SSH2: variants seen among roughly 807,000 people sequenced by gnomAD.
The protein encoded by SSH2 is slingshot protein phosphatase 2.
A neutral mutation model predicts 135.2 loss-of-function variants in SSH2; 37 were observed. The observed-to-expected ratio is 0.27, with a 90% CI of 0.21 to 0.36. The LOEUF (loss-of-function observed/expected upper bound fraction) is 0.36, where lower values mean the gene tolerates loss of function less well. Among genes scored for constraint, SSH2 ranks in the 10% least tolerant of loss-of-function variants. The probability of loss-of-function intolerance (pLI) is 1.00; values close to 1 mark genes in which losing one functional copy is unlikely to be tolerated. For missense variants in SSH2, 1,408 were observed against 1,765.3 expected, an observed-to-expected ratio of 0.80 and a Z score of 3.63; for synonymous variants, 628 against 646.2, an observed-to-expected ratio of 0.97 and a Z score of 0.43.
intron 1 of SSH2, among the ~76,000 whole-genome samples, chr17:29,906,050 G>A (rs1386538554): frequency 6.6e-6 from 1 of 152,128 alleles, no homozygotes; most frequent in African/African-American, 2.4e-5. Context: ...ACCCACTGCG[G>A]GTCTCCTCTG....
chr17:29,886,401 G>A (rs1172021077), intron 1 of SSH2, among the ~76,000 whole-genome samples: 2 of 152,022 alleles, frequency 1.3e-5, no homozygotes, highest in Non-Finnish European at 2.9e-5. Flanking sequence ...TTAGGTATCT[G>A]GTGGAAGAAA....
At position 29,929,978 on chromosome 17, in the gene SSH2, C is replaced by A; in HGVS notation, c.23G>T (p.Arg8Leu). 6.2e-7 allele frequency: 1 copy of A among 1,602,358 alleles called. No homozygotes were observed. Residue 8 changes from arginine to leucine, a missense_variant, in exon 1 of 16, where the codon CGG becomes CTG. By Grantham distance (102) the Arg-to-Leu change is moderately radical. Coordinates refer to ENST00000540801, the MANE Select transcript of SSH2 (RefSeq NM_001282129.2). MALVTVQ[R>L]SPTPSTTSSP... ...GGAGGTGGTGCTGGGGGTAGGTGAC[C>A]GCTGGACCGTGACCAAAGCCATCTA...
chr17:29,654,200 C>T (rs1225233779), intron 12 of SSH2, among the ~76,000 whole-genome samples: 4 of 152,160 alleles, frequency 2.6e-5, no homozygotes, highest in Non-Finnish European at 5.9e-5. Flanking sequence ...TTACTGAGCA[C>T]CCTCTTGTTA....
intron 1 of SSH2, among the ~76,000 whole-genome samples, chr17:29,901,952 T>C (rs1174643249): frequency 6.6e-6 from 1 of 152,048 alleles, no homozygotes; most frequent in African/African-American, 2.4e-5. Flanking sequence ...CTGGCTAATT[T>C]TTAATTTTTT....
Position 29,672,167 on chromosome 17 carries a change from T to C in SSH2, c.615-38A>G, listed in dbSNP as rs1342350570. The C allele has an allele frequency of 2.6e-6, 4 of 1,559,926 alleles. No homozygotes were observed. The South Asian group carries it at 3.5e-5, about 13-fold the overall frequency. On this transcript the variant is annotated intron_variant, in intron 8 of 15. Transcript: ENST00000540801. ...CTGGGAAATGAGCACCATAGAACTGTGGGGTGCCAAAGGCCAATAACCTGT... is the reference window on the plus strand; with the variant it reads ...CTGGGAAATGAGCACCATAGAACTGCGGGGTGCCAAAGGCCAATAACCTGT...
chr17:29,667,065 C>T, intron 10 of SSH2, 65 bp downstream of exon 10: 1 of 1,607,242 alleles, frequency 6.2e-7, no homozygotes, highest in Non-Finnish European at 8.5e-7. Flanking sequence ...GCACTATTTC[C>T]AGCCCCACAC....
chr17:29,655,122 G>A (rs1382082296), intron 12 of SSH2, among the ~76,000 whole-genome samples: 1 of 150,250 alleles, frequency 6.7e-6, no homozygotes, highest in Non-Finnish European at 1.5e-5. Context: ...TTTTTTTTTT[G>A]AGATGGTGTC....
intron 1 of SSH2, chr17:29,928,525 A>G (rs1324841327): frequency 1.0e-5 from 4 of 398,434 alleles, no homozygotes; most frequent in African/African-American, 8.2e-5. Flanking sequence ...ACTGTTACAA[A>G]TTCTTCCTTA....
chr17:29,713,913 A>G (rs993703203), intron 3 of SSH2, among the ~76,000 whole-genome samples: 8 of 152,154 alleles, frequency 5.3e-5, no homozygotes, highest in African/African-American at 1.9e-4. Context: ...ACTGGTCTCA[A>G]GTAACTTCCC....
At position 29,671,942 on chromosome 17, in the gene SSH2, T is replaced by C. The variant is rs2037511755; in HGVS notation, c.802A>G (p.Thr268Ala). 6.2e-7 allele frequency: 1 copy of C among 1,612,608 alleles called. No individual in the cohort carries two copies. The highest frequency in any genetic ancestry group is 1.1e-5 in the South Asian group (1 of 90,952). ...SHRPDSPALF[T>A]DIPTERERTE... ...CTTAGCAAACTGACTTACATGTCGGTGAAGAGAGCTGGAGAGTCGGGCCGG... is the reference window on the plus strand; with the variant it reads ...CTTAGCAAACTGACTTACATGTCGGCGAAGAGAGCTGGAGAGTCGGGCCGG... The change falls in exon 9 of 16, where the codon ACC (threonine) becomes GCC (alanine). Residue 268 changes from threonine (T) to alanine (A), a missense_variant. Physicochemically the swap from Thr to Ala is moderately conservative, Grantham distance 58. Transcript: ENST00000540801.
intron 3 of SSH2, among the ~76,000 whole-genome samples, chr17:29,713,595 G>C (rs1263118184): frequency 6.6e-6 from 1 of 152,112 alleles, no homozygotes; most frequent in East Asian, 1.9e-4. Context: ...ACCATGTCTT[G>C]TGAGACCAAG....
At chr17:29,641,585 C>T (rs185442482) in intron 14 of SSH2, 5 of 152,100 alleles carry the variant, frequency 3.3e-5, no homozygotes, top group African/African-American at 1.2e-4. Flanking sequence ...AGTTAATGAA[C>T]AAGAGGAAAT....
chr17:29,802,418 G>T (rs2042265354), intron 2 of SSH2, among the ~76,000 whole-genome samples: 1 of 152,084 alleles, frequency 6.6e-6, no homozygotes, highest in Non-Finnish European at 1.5e-5. Flanking sequence ...ACTAACTATG[G>T]TGTTGGGAAA....
chr17:29,851,453 AT>A (rs1235921330), intron 1 of SSH2, among the ~76,000 whole-genome samples: 1 of 151,686 alleles, frequency 6.6e-6, no homozygotes, highest in African/African-American at 2.4e-5. Flanking sequence ...TTAGCTGGGC[AT>A]GGTGGCGGGC....
intron 1 of SSH2, among the ~76,000 whole-genome samples, chr17:29,858,145 T>C (rs545347526): frequency 9.8e-5 from 15 of 152,354 alleles, no homozygotes; most frequent in African/African-American, 3.6e-4. Flanking sequence ...CATTTCATTG[T>C]TTCTGATTGC....
chr17:29,659,926 G>A (rs2036957772), intron 11 of SSH2, among the ~76,000 whole-genome samples: 1 of 152,146 alleles, frequency 6.6e-6, no homozygotes, highest in Admixed American at 6.5e-5. Context: ...CACCTCCTGG[G>A]TTCAAGTGAT....
chr17:29,837,990 C>T (rs78324024), intron 2 of SSH2, among the ~76,000 whole-genome samples: 9,259 of 152,324 alleles, frequency 0.061, 524 homozygotes, highest in African/African-American at 0.15. Flanking sequence ...GGCGGGAGCC[C>T]TGCCCTCCCA....
chr17:29,709,013 T>TAGAGAGAGAGAGAGAGAG (rs779414759), intron 3 of SSH2, among the ~76,000 whole-genome samples: 4 of 88,172 alleles, frequency 4.5e-5, no homozygotes, highest in Non-Finnish European at 1.0e-4. Flanking sequence ...TATATATATA[T>TAGAGAGAGAGAGAGAGAG]ATAGAGAGAG....
At chr17:29,843,355 C>T (rs544950425) in intron 2 of SSH2, among the ~76,000 whole-genome samples, 2 of 151,978 alleles carry the variant, frequency 1.3e-5, no homozygotes, top group African/African-American at 2.4e-5. Context: ...GCCAATATGG[C>T]GAAACCCCAT....
Sources: gnomAD v4.1 joint callset for allele counts (sites outside exome capture counted in the v4.1 genomes callset) on GRCh38, gnomAD v4.1.1 for gene constraint, MANE v1.5 for transcripts, NCBI Gene and HGNC (gene_info 2026-07-23, HGNC 2026-07-21) for gene names.